The following LMOD1 variants were observed in gnomAD, a reference collection of about 807,000 sequenced individuals.
LMOD1 encodes leiomodin 1.
In LMOD1, 8 loss-of-function variants were observed where a neutral mutation model predicts 36.5. The ratio of observed to expected loss-of-function variants is 0.22; its 90% CI spans 0.13 to 0.40. LMOD1 has a LOEUF of 0.40. LMOD1 is among the 10% of genes least tolerant of loss of function. LMOD1 has a pLI of 1.00. For synonymous variants in LMOD1, 284 were observed against 288.7 expected, an observed-to-expected ratio of 0.98 and a Z score of 0.17; for missense variants, 630 against 751.1, an observed-to-expected ratio of 0.84 and a Z score of 1.88.
chr1:201,900,533 C>T lies in LMOD1; in HGVS notation c.480G>A (p.Lys160=). 6.2e-7 allele frequency: 1 copy of T among 1,613,894 alleles called. No homozygotes were observed. Among genetic ancestry groups the T allele is most frequent in the Non-Finnish European group, 8.5e-7 (1 of 1,179,886 alleles). The change falls in exon 2 of 3, where the codon AAG becomes AAA. Residue 160 remains lysine (K), a synonymous_variant. Coordinates refer to ENST00000367288, the MANE Select transcript of LMOD1 (RefSeq NM_012134.3). Reference sequence around the variant, plus strand: ...TATCCACTGCAGCCCTGACCCGGCCCTTGTCAATGCCCCGGATGATCTTCT... The same window carrying T: ...TATCCACTGCAGCCCTGACCCGGCCTTTGTCAATGCCCCGGATGATCTTCT... ...KEEKIIRGID[K]GRVRAAVDKK...
At chr1:201,904,159 C>T (rs1190570128) in intron 1 of LMOD1, among the ~76,000 whole-genome samples, 2 of 152,174 alleles carry the variant, frequency 1.3e-5, no homozygotes, top group Non-Finnish European at 1.5e-5. Flanking sequence ...ACCCTTCCCT[C>T]TCACCCCTAG....
Position 201,899,095 on chromosome 1 carries a change from T to G in LMOD1, c.1776+142A>C. ...AGGCAGGAGGATGCATGAGATGACCTGAAGTCCCCTATGGGCCCTGGGAGT... is the reference window on the plus strand; with the variant it reads ...AGGCAGGAGGATGCATGAGATGACCGGAAGTCCCCTATGGGCCCTGGGAGT... On this transcript the variant is annotated intron_variant, in intron 2 of 2. Transcript: ENST00000367288. This position sits in a 1 kb window ranked among gnomAD's most constrained non-coding sequence, Gnocchi z 6.3. The G allele has an allele frequency of 2.8e-6, 2 of 713,472 alleles. No individual in the cohort carries two copies. Among genetic ancestry groups the G allele is most frequent in the Non-Finnish European group, 4.5e-6 (2 of 446,260 alleles). 44.2% of individuals were successfully genotyped at this position (713,472 alleles called of 1,614,324 possible).
intron 1 of LMOD1, among the ~76,000 whole-genome samples, chr1:201,933,528 TCTCTATATATATAATAC>T (rs1342706887): frequency 1.1e-4 from 14 of 125,396 alleles, no homozygotes; most frequent in South Asian, 2.6e-4. Flanking sequence ...TCTCTCTCTC[TCTCTATATATATAATAC>T]ATATATATAT....
At chr1:201,905,293 C>T (rs60939793) in intron 1 of LMOD1, among the ~76,000 whole-genome samples, 2,529 of 152,230 alleles carry the variant, frequency 0.017, 73 homozygotes, top group African/African-American at 0.058. Flanking sequence ...AGAAACGGCT[C>T]CTTGCCCCCA....
chr1:201,936,925 G>A (rs929077522), intron 1 of LMOD1, among the ~76,000 whole-genome samples: 1 of 152,038 alleles, frequency 6.6e-6, no homozygotes, highest in Non-Finnish European at 1.5e-5. Flanking sequence ...GGGCAACAGA[G>A]TGAGACTCTG....
intron 1 of LMOD1, among the ~76,000 whole-genome samples, chr1:201,914,928 C>A (rs1476027336): frequency 6.6e-6 from 1 of 152,116 alleles, no homozygotes; most frequent in Non-Finnish European, 1.5e-5. Flanking sequence ...GTAGCGCCAG[C>A]CTTCCCGTAT....
At position 201,897,510 on chromosome 1, in the gene LMOD1, G is replaced by GA. The variant is rs1466106932; in HGVS notation, c.*861dup. 1 of 152,778 alleles carries GA rather than the reference G, an allele frequency of 6.5e-6. No individual in the cohort carries two copies. Among genetic ancestry groups the GA allele is most frequent in the Admixed American group, 6.5e-5 (1 of 15,284 alleles). The allele number at this position is 152,778 out of a possible 1,614,324, so 9.5% of individuals were successfully genotyped here. A position where few individuals can be genotyped will look rare whatever the true frequency, so the allele number is the denominator to read the frequency against. ...TTTCCTCCATGCTGCACTTTCTGAG[G>GA]ATGTGAATTTATTTCTTGGCCAACT... On this transcript the variant is annotated 3_prime_UTR_variant, in exon 3 of 3. Coordinates refer to ENST00000367288, the MANE Select transcript of LMOD1 (RefSeq NM_012134.3).
intron 1 of LMOD1, among the ~76,000 whole-genome samples, chr1:201,937,202 T>C (rs2102930156): frequency 6.6e-6 from 1 of 151,956 alleles, no homozygotes; most frequent in African/African-American, 2.4e-5. Flanking sequence ...ATCCCAGCAC[T>C]TGGGAGGCCA....
chr1:201,946,306 C>T lies in LMOD1; in HGVS notation c.35G>A (p.Ser12Asn). Residue 12 changes from serine (S) to asparagine (N), a missense_variant, in exon 1 of 3, where the codon AGT becomes AAT. Around this residue, in one of 3 missense-constraint regions of LMOD1, gnomAD observed 405 missense variants for 400.6 expected, o/e 1.01. Coordinates refer to ENST00000367288, the MANE Select transcript of LMOD1 (RefSeq NM_012134.3). The stretch of plus-strand genomic sequence containing the variant: ...CAGGCTGTCGATGTCGGGGTCTTCA[C>T]TCACCTGCCGGCGATATTTGGCTAC... ...SRVAKYRRQV[S>N]EDPDIDSLLE... is the part of the protein sequence containing the mutation. 1 of 1,614,004 alleles carries T rather than the reference C, an allele frequency of 6.2e-7. No individual in the cohort carries two copies. The highest frequency in any genetic ancestry group is 8.5e-7 in the Non-Finnish European group (1 of 1,179,892).
intron 1 of LMOD1, among the ~76,000 whole-genome samples, chr1:201,919,825 G>A (rs1407416920): frequency 6.6e-6 from 1 of 152,068 alleles, no homozygotes; most frequent in Non-Finnish European, 1.5e-5. Flanking sequence ...CAGACTCCAG[G>A]GCAGAACTCT....
intron 1 of LMOD1, among the ~76,000 whole-genome samples, chr1:201,935,031 T>A (rs1009356310): frequency 6.6e-6 from 1 of 152,218 alleles, no homozygotes; most frequent in Non-Finnish European, 1.5e-5. Flanking sequence ...GACTGATGAA[T>A]CCCAAATTTA....
At chr1:201,939,108 C>T (rs1044144482) in intron 1 of LMOD1, among the ~76,000 whole-genome samples, 6 of 151,664 alleles carry the variant, frequency 4.0e-5, no homozygotes, top group Non-Finnish European at 5.9e-5. Context: ...CTTCCCCTCT[C>T]TCTTCATCAT....
intron 1 of LMOD1, among the ~76,000 whole-genome samples, chr1:201,926,410 G>A (rs1002823743): frequency 6.6e-6 from 1 of 152,120 alleles, no homozygotes; most frequent in African/African-American, 2.4e-5. Context: ...GGGGATGGGC[G>A]CCAAAGGCCA....
At chr1:201,934,249 T>G (rs1681976754) in intron 1 of LMOD1, among the ~76,000 whole-genome samples, 1 of 152,192 alleles carries the variant, frequency 6.6e-6, no homozygotes, top group African/African-American at 2.4e-5. Context: ...CCTCTGACTA[T>G]TGTCATAGCC....
intron 1 of LMOD1, among the ~76,000 whole-genome samples, chr1:201,941,947 C>A (rs1165492924): frequency 6.6e-6 from 1 of 152,202 alleles, no homozygotes; most frequent in Non-Finnish European, 1.5e-5. Flanking sequence ...AAAGAGGACA[C>A]ACAAGTTGAC....
chr1:201,928,118 T>C (rs1227195492), intron 1 of LMOD1, among the ~76,000 whole-genome samples: 1 of 152,224 alleles, frequency 6.6e-6, no homozygotes, highest in Non-Finnish European at 1.5e-5. Flanking sequence ...AATAAGGTCC[T>C]CACCAGATAC....
chr1:201,901,599 TATATATATATACAC>T, intron 1 of LMOD1, among the ~76,000 whole-genome samples: 2 of 11,006 alleles, frequency 1.8e-4, no homozygotes, highest in African/African-American at 4.3e-4. Context: ...TATATATGTA[TATATATATATACAC>T]ATATATATGT....
Position 201,904,217 on chromosome 1 carries a change from T to C in LMOD1, c.262-3466A>G, listed in dbSNP as rs1681375146. Among the ~76,000 whole-genome samples the C allele has an allele frequency of 2.0e-5, 3 of 152,260 alleles. No homozygotes were observed. In the South Asian group the frequency reaches 6.2e-4, roughly 32 times the overall value. On this transcript the variant is annotated intron_variant, in intron 1 of 2. Transcript: ENST00000367288. ...TTCTTTCTTTCCTTTTCTTTTCTTC[T>C]TTTTTTCTTTGAGATGGAATTTCAC...
intron 1 of LMOD1, among the ~76,000 whole-genome samples, chr1:201,905,022 C>T (rs1231431754): frequency 6.6e-6 from 1 of 152,260 alleles, no homozygotes; most frequent in Non-Finnish European, 1.5e-5. Context: ...CCTTACTCAA[C>T]TGTCTATCCC....
Sources: gnomAD v4.1 joint callset for allele counts (sites outside exome capture counted in the v4.1 genomes callset) on GRCh38, gnomAD v4.1.1 for gene constraint, gnomAD v4.1.1 regional missense constraint, Gnocchi (gnomAD v3.1) non-coding constraint, MANE v1.5 for transcripts, NCBI Gene and HGNC (gene_info 2026-07-23, HGNC 2026-07-21) for gene names.